Variants in TSC1 observed in about 807,000 individuals in gnomAD.
TSC1 encodes the protein TSC complex subunit 1, also known as hamartin.
Under a neutral mutation model 124.3 loss-of-function variants are expected in TSC1, and 20 were observed. That is an observed-to-expected ratio of 0.16 (90% CI 0.11 to 0.23). TSC1 has a LOEUF of 0.23. Among genes scored for constraint, TSC1 ranks in the 10% least tolerant of loss-of-function variants. TSC1 has a pLI of 1.00. For synonymous variants in TSC1, 493 were observed against 539.1 expected, an observed-to-expected ratio of 0.91 and a Z score of 1.19; for missense variants, 1,124 against 1,448.5, an observed-to-expected ratio of 0.78 and a Z score of 3.64.
At position 132,893,885 on chromosome 9, in the gene TSC1, C is replaced by T. The variant is rs1844894095; in HGVS notation, c.*2350G>A. ...GCAGCATGATCAAGTGACCTGTTGA[C>T]TCTTGGCAGGTTTATCATGTCCAAA... On this transcript the variant is annotated 3_prime_UTR_variant, in exon 23 of 23. Transcript: ENST00000298552. The T allele has an allele frequency of 4.3e-6, 1 of 233,326 alleles. No homozygotes were observed. Among genetic ancestry groups the T allele is most frequent in the Non-Finnish European group, 8.5e-6 (1 of 118,066 alleles). 14.5% of individuals were successfully genotyped at this position (233,326 alleles called of 1,614,324 possible). A position where few individuals can be genotyped will look rare whatever the true frequency, so the allele number is the denominator to read the frequency against.
chr9:132,893,380 CATA>C lies in TSC1; in HGVS notation c.*2852_*2854del, dbSNP rs1844868432. The C allele has an allele frequency of 4.3e-6, 1 of 233,098 alleles. No homozygotes were observed. Among genetic ancestry groups the C allele is most frequent in the Non-Finnish European group, 8.5e-6 (1 of 118,048 alleles). 14.4% of individuals were successfully genotyped at this position (233,098 alleles called of 1,614,324 possible). Reference sequence around the variant, plus strand: ...CATGACCACGTGTTTCTTCCAATCCCATAATAACAATTTTTATAGACTGTATAG... The same window carrying C: ...CATGACCACGTGTTTCTTCCAATCCCATAACAATTTTTATAGACTGTATAG... On this transcript the variant is annotated 3_prime_UTR_variant, in exon 23 of 23. Transcript: ENST00000298552.
In TSC1 at chr9:132,902,829, A is replaced by G. The variant is rs781414372; in HGVS notation, c.2209-42T>C. On this transcript the variant is annotated intron_variant, in intron 17 of 22. Transcript: ENST00000298552. This position sits in a 1 kb window ranked among gnomAD's most constrained non-coding sequence, Gnocchi z 5.2. ...ATGTCATCATTTTAGCTGTCTTCCA[A>G]CACAGGCAATTTAACACACACTGCG... The G allele has an allele frequency of 4.3e-6, 7 of 1,609,332 alleles. No homozygotes were observed. The highest frequency in any genetic ancestry group is 1.7e-5 in the Admixed American group (1 of 60,008).
At chr9:132,909,306 A>G (rs1215218682) in intron 12 of TSC1, among the ~76,000 whole-genome samples, 2 of 152,202 alleles carry the variant, frequency 1.3e-5, no homozygotes, top group Non-Finnish European at 2.9e-5. Flanking sequence ...AAATATTCCA[A>G]ATGTTGAAAC....
At chr9:132,905,550 T>C in intron 15 of TSC1, 31 bp downstream of exon 15, 3 of 1,613,078 alleles carry the variant, frequency 1.9e-6, no homozygotes, top group Non-Finnish European at 2.5e-6. Flanking sequence ...ATGGACCATT[T>C]AACACAGAAG....
At chr9:132,901,857 G>C (rs538620627) in intron 18 of TSC1, 158 bp from the exon 19 acceptor site, 1 of 643,036 alleles carries the variant, frequency 1.6e-6, no homozygotes, top group South Asian at 1.9e-5. Context: ...TAAAAAGTAA[G>C]TTATGGTTGA....
Position 132,906,548 on chromosome 9 carries a change from CAAAAA to C in TSC1, c.1438+178_1438+182del, listed in dbSNP as rs11349075. The C allele has an allele frequency of 8.5e-4, 351 of 414,126 alleles. No individual in the cohort carries two copies. The highest frequency in any genetic ancestry group is 1.5e-3 in the East Asian group (35 of 23,382). The allele number at this position is 414,126 out of a possible 1,614,324, so 25.7% of individuals were successfully genotyped here. A position where few individuals can be genotyped will look rare whatever the true frequency, so the allele number is the denominator to read the frequency against. ...AGGGTGACAGAGCAAGACCCTGTCT[CAAAAA>C]AAAAAAAAAAAAAAGTGGCATCACT... On this transcript the variant is annotated intron_variant, in intron 14 of 22. Transcript: ENST00000298552. The surrounding 1 kb of genome is among the most constrained non-coding windows in gnomAD (Gnocchi z 4.1).
intron 3 of TSC1, 139 bp downstream of exon 3, chr9:132,928,628 C>CACATAT (rs1847021173): frequency 1.9e-6 from 2 of 1,045,702 alleles, no homozygotes; most frequent in African/African-American, 3.2e-5. Context: ...AAGTTTAAAA[C>CACATAT]ACATATAGAT....
intron 8 of TSC1, among the ~76,000 whole-genome samples, chr9:132,913,922 A>G (rs1403882936): frequency 9.4e-6 from 1 of 106,924 alleles, no homozygotes; most frequent in Non-Finnish European, 1.8e-5. Flanking sequence ...TTTTTTAGAC[A>G]GAGTCTCACT....
rs964191879 is a variant in TSC1 at position 132,905,799 on chromosome 9, T to C, written c.1779A>G (p.Arg593=). ...GAGGCTGCCCGCTTCCAAAGCCCAC[T>C]CTCGTCGGAGGTGGAATTTTACAAG... ...PSPCKIPPPT[R]VGFGSGQPPP... Residue 593 remains arginine, a synonymous_variant, in exon 15 of 23, where the codon AGA becomes AGG. Transcript: ENST00000298552. The C allele has an allele frequency of 4.3e-6, 7 of 1,614,038 alleles. No individual in the cohort carries two copies. The highest frequency in any genetic ancestry group is 5.9e-6 in the Non-Finnish European group (7 of 1,180,044).
At position 132,903,581 on chromosome 9, in the gene TSC1, T is replaced by G; in HGVS notation, c.2208+70A>C. 3 of 1,609,858 alleles carry G rather than the reference T, an allele frequency of 1.9e-6. No individual in the cohort carries two copies. Among genetic ancestry groups the G allele is most frequent in the Non-Finnish European group, 1.7e-6 (2 of 1,178,616 alleles). On this transcript the variant is annotated intron_variant, in intron 17 of 22. Transcript: ENST00000298552. This position sits in a 1 kb window ranked among gnomAD's most constrained non-coding sequence, Gnocchi z 5.9. ...CTCTGACCTCCTCGGCTGCTGTGCTTTATAAGCTATCATGCTGACCCAAAA... is the reference window on the plus strand; with the variant it reads ...CTCTGACCTCCTCGGCTGCTGTGCTGTATAAGCTATCATGCTGACCCAAAA...
intron 1 of TSC1, among the ~76,000 whole-genome samples, chr9:132,937,270 C>T (rs985593971): frequency 1.3e-5 from 2 of 152,114 alleles, no homozygotes; most frequent in African/African-American, 4.8e-5. Context: ...ATGGAGAAAC[C>T]CCATCTCTAC....
chr9:132,940,487 A>G (rs2132471388), intron 1 of TSC1, among the ~76,000 whole-genome samples: 1 of 152,338 alleles, frequency 6.6e-6, no homozygotes, highest in Non-Finnish European at 1.5e-5. Flanking sequence ...CACCAAAGTT[A>G]AGAACCACTG....
intron 10 of TSC1, 85 bp from the exon 11 acceptor site, chr9:132,911,198 TA>T: frequency 8.7e-7 from 1 of 1,155,902 alleles, no homozygotes; most frequent in Non-Finnish European, 1.3e-6. Context: ...GTGTTCAGCT[TA>T]AATTTAGCTT....
Position 132,906,548 on chromosome 9 carries a change from CAAAAAAAA to C in TSC1, c.1438+175_1438+182del. 2.4e-6 allele frequency: 1 copy of C among 414,262 alleles called. No individual in the cohort carries two copies. Among genetic ancestry groups the C allele is most frequent in the Non-Finnish European group, 4.2e-6 (1 of 238,570 alleles). The allele number at this position is 414,262 out of a possible 1,614,324, so 25.7% of individuals were successfully genotyped here. On this transcript the variant is annotated intron_variant, in intron 14 of 22. Coordinates refer to ENST00000298552, the MANE Select transcript of TSC1 (RefSeq NM_000368.5). The surrounding 1 kb of genome is among the most constrained non-coding windows in gnomAD (Gnocchi z 4.1). The stretch of plus-strand genomic sequence containing the variant: ...AGGGTGACAGAGCAAGACCCTGTCT[CAAAAAAAA>C]AAAAAAAAAAAGTGGCATCACTTTA...
At chr9:132,937,747 G>A (rs960660218) in intron 1 of TSC1, among the ~76,000 whole-genome samples, 2 of 152,060 alleles carry the variant, frequency 1.3e-5, no homozygotes, top group African/African-American at 2.4e-5. Flanking sequence ...CTGCTCTGTC[G>A]CTCAGGCTGG....
intron 8 of TSC1, among the ~76,000 whole-genome samples, chr9:132,920,781 T>C (rs962298935): frequency 2.0e-5 from 3 of 152,002 alleles, no homozygotes; most frequent in African/African-American, 7.2e-5. Context: ...AGTCTGTAAA[T>C]TTCCTTTATC....
intron 2 of TSC1, among the ~76,000 whole-genome samples, chr9:132,933,970 T>A (rs940629746): frequency 6.6e-6 from 1 of 152,012 alleles, no homozygotes; most frequent in African/African-American, 2.4e-5. Context: ...AAAATCAAAC[T>A]CAGAAAACTT....
intron 19 of TSC1, 36 bp from the exon 20 acceptor site, chr9:132,900,873 C>T (rs750839854): frequency 2.8e-5 from 45 of 1,613,080 alleles, no homozygotes; most frequent in Admixed American, 1.3e-4. Context: ...AAAAATCCGA[C>T]GACATAAAAC....
At chr9:132,940,714 CCA>C (rs1258428168) in intron 1 of TSC1, 3 of 152,120 alleles carry the variant, frequency 2.0e-5, no homozygotes, top group African/African-American at 7.2e-5. Flanking sequence ...ATGTAAAATA[CCA>C]CAGTGTTTGG....
Sources: allele counts gnomAD v4.1 joint callset (sites outside exome capture counted in the v4.1 genomes callset), GRCh38; gene constraint gnomAD v4.1.1; non-coding constraint Gnocchi (gnomAD v3.1); transcripts MANE v1.5; gene names NCBI Gene and HGNC (gene_info 2026-07-23, HGNC 2026-07-21).